Variants in DRC8 observed in about 807,000 individuals in gnomAD.
DRC8 encodes dynein regulatory complex subunit 8, also known as dynein regulatory complex protein 8.
chr1:245,080,945 T>C, the DRC8 span, among the ~76,000 whole-genome samples: 2 of 152,226 alleles, frequency 1.3e-5, no homozygotes, highest in Middle Eastern at 3.4e-3. Flanking sequence ...GCCGCCAATG[T>C]GTCAGCAGAG....
the DRC8 span, among the ~76,000 whole-genome samples, chr1:245,067,207 A>G: frequency 6.6e-6 from 1 of 151,698 alleles, no homozygotes. Flanking sequence ...GCTCACTGCA[A>G]CCTCCACCTC....
the DRC8 span, among the ~76,000 whole-genome samples, chr1:245,119,932 C>G: frequency 1.0e-5 from 1 of 99,608 alleles, no homozygotes; most frequent in Non-Finnish European, 2.0e-5. Flanking sequence ...GACCCCGTCT[C>G]AAAAAAAAAT....
At chr1:245,030,110 A>G in the DRC8 span, among the ~76,000 whole-genome samples, 1 of 152,198 alleles carries the variant, frequency 6.6e-6, no homozygotes, top group African/African-American at 2.4e-5. Flanking sequence ...TCACTCGAAA[A>G]GTGTGGAAGA....
At chr1:244,999,623 G>A in the DRC8 span, among the ~76,000 whole-genome samples, 6 of 152,120 alleles carry the variant, frequency 3.9e-5, no homozygotes, top group Non-Finnish European at 8.8e-5. Flanking sequence ...GTGGGAAAAA[G>A]ACAGACACAA....
chr1:245,114,443 C>CT, the DRC8 span, among the ~76,000 whole-genome samples: 1 of 150,514 alleles, frequency 6.6e-6, no homozygotes, highest in African/African-American at 2.5e-5. Context: ...CCAGCCTGGG[C>CT]GACAGAGTGA....
the DRC8 span, among the ~76,000 whole-genome samples, chr1:244,989,445 C>A: frequency 5.7e-4 from 86 of 152,124 alleles, no homozygotes; most frequent in Admixed American, 1.7e-3. Context: ...TCAGAATGCC[C>A]CTCTATTAGA....
the DRC8 span, among the ~76,000 whole-genome samples, chr1:245,105,813 AC>A: frequency 6.6e-6 from 1 of 152,166 alleles, no homozygotes; most frequent in Admixed American, 6.5e-5. Flanking sequence ...GCTGTGGCTC[AC>A]GCCCATAATC....
chr1:245,079,129 T>G, the DRC8 span, among the ~76,000 whole-genome samples: 2 of 152,180 alleles, frequency 1.3e-5, no homozygotes, highest in East Asian at 1.9e-4. Context: ...TTCCATGAAT[T>G]CTGTACTTAG....
the DRC8 span, among the ~76,000 whole-genome samples, chr1:245,092,883 T>C: frequency 6.6e-6 from 1 of 152,104 alleles, no homozygotes; most frequent in African/African-American, 2.4e-5. Context: ...AGAGAGACCT[T>C]GTCTCAAAAA....
At chr1:245,118,646 C>T in the DRC8 span, among the ~76,000 whole-genome samples, 648 of 151,994 alleles carry the variant, frequency 4.3e-3, 5 homozygotes, top group Middle Eastern at 0.01. Context: ...ACAAAATTAG[C>T]CTGGCGTGGT....
the DRC8 span, among the ~76,000 whole-genome samples, chr1:245,021,642 C>T: frequency 1.1e-4 from 17 of 152,130 alleles, no homozygotes; most frequent in East Asian, 2.9e-3. Context: ...TGCTATGTTG[C>T]CCAGGCTGTT....
chr1:245,114,241 G>A, the DRC8 span, among the ~76,000 whole-genome samples: 2,621 of 152,012 alleles, frequency 0.017, 32 homozygotes, highest in Non-Finnish European at 0.029. Flanking sequence ...GAGGCAGGCG[G>A]GTCACAAGTT....
chr1:244,999,547 CAGA>C, the DRC8 span, among the ~76,000 whole-genome samples: 2 of 152,052 alleles, frequency 1.3e-5, no homozygotes, highest in African/African-American at 4.8e-5. Context: ...CCTTTTTTGT[CAGA>C]CATTGCTGAA....
At chr1:245,025,102 G>A in the DRC8 span, among the ~76,000 whole-genome samples, 1 of 151,310 alleles carries the variant, frequency 6.6e-6, no homozygotes, top group Non-Finnish European at 1.5e-5. Context: ...TTTAATTTTT[G>A]GAAACAAACG....
At chr1:245,089,298 G>T in the DRC8 span, among the ~76,000 whole-genome samples, 7 of 152,298 alleles carry the variant, frequency 4.6e-5, no homozygotes, top group South Asian at 4.1e-4. This position sits in a 1 kb window ranked among gnomAD's most constrained non-coding sequence, Gnocchi z 4.8. Context: ...ATAGGAGGGA[G>T]ATCTGGCTGG....
the DRC8 span, among the ~76,000 whole-genome samples, chr1:245,049,584 A>C: frequency 5.3e-3 from 809 of 151,650 alleles, 4 homozygotes; most frequent in African/African-American, 0.018. This position sits in a 1 kb window ranked among gnomAD's most constrained non-coding sequence, Gnocchi z 4.5. Context: ...ATCCTAGACT[A>C]AAAAAAAACT....
the DRC8 span, among the ~76,000 whole-genome samples, chr1:245,118,046 ATT>A: frequency 6.6e-6 from 1 of 151,906 alleles, no homozygotes; most frequent in African/African-American, 2.4e-5. Flanking sequence ...AAAAACCTCT[ATT>A]ACGCTACCTG....
chr1:245,030,933 G>A, the DRC8 span: 1 of 152,300 alleles, frequency 6.6e-6, no homozygotes, highest in African/African-American at 2.4e-5. Context: ...CACCTATAGA[G>A]GGACGCCTTA....
At chr1:244,993,726 A>C in the DRC8 span, among the ~76,000 whole-genome samples, 1 of 152,234 alleles carries the variant, frequency 6.6e-6, no homozygotes, top group Non-Finnish European at 1.5e-5. Context: ...TTCTTGCTGC[A>C]TCATAACATG....
Sources: gnomAD v4.1 joint callset for allele counts (sites outside exome capture counted in the v4.1 genomes callset) on GRCh38, gnomAD v4.1.1 for gene constraint, Gnocchi (gnomAD v3.1) non-coding constraint, MANE v1.5 for transcripts, NCBI Gene and HGNC (gene_info 2026-07-23, HGNC 2026-07-21) for gene names.